Variants in ZFAND1 observed in about 807,000 individuals in gnomAD.
ZFAND1 encodes AN1-type zinc finger protein 1.
In ZFAND1, 40 loss-of-function variants were observed where a neutral mutation model predicts 38.5. That is an observed-to-expected ratio of 1.04 (90% CI 0.81 to 1.35). The LOEUF is 1.35. Among genes scored for constraint, ZFAND1 ranks in the 40% most tolerant of loss-of-function variants. ZFAND1 has a pLI of 0.00. For synonymous variants in ZFAND1, 117 were observed against 103.6 expected (o/e 1.13, Z -0.78); for missense variants, 346 against 316.3 (o/e 1.09, Z -0.71).
At chr8:81,718,325 T>C in intron 1 of ZFAND1, 101 bp from the exon 2 acceptor site, 1 of 883,994 alleles carries the variant, frequency 1.1e-6, no homozygotes, top group Admixed American at 2.7e-5. Context: ...CCATTTTGAC[T>C]AATATCCTAG....
chr8:81,710,838 A>C (rs1207073567), intron 6 of ZFAND1, among the ~76,000 whole-genome samples: 1 of 152,196 alleles, frequency 6.6e-6, no homozygotes, highest in Non-Finnish European at 1.5e-5. Context: ...GAGTTATATA[A>C]AAAAATTAGC....
chr8:81,710,329 C>T (rs148488774), intron 6 of ZFAND1, among the ~76,000 whole-genome samples: 2 of 152,192 alleles, frequency 1.3e-5, no homozygotes, highest in African/African-American at 4.8e-5. Context: ...AAAGCTTATA[C>T]TACCTTTGCA....
chr8:81,710,322 G>T (rs868781434), intron 6 of ZFAND1, among the ~76,000 whole-genome samples: 1 of 152,078 alleles, frequency 6.6e-6, no homozygotes, highest in Non-Finnish European at 1.5e-5. Flanking sequence ...CTTGTTAAAA[G>T]CTTATACTAC....
intron 2 of ZFAND1, 152 bp downstream of exon 2, chr8:81,718,030 A>C (rs1037382351): frequency 1.0e-5 from 5 of 500,974 alleles, no homozygotes; most frequent in Non-Finnish European, 1.7e-5. Flanking sequence ...AGTCATATAT[A>C]TGGAGAAGTA....
At chr8:81,714,252 C>T (rs1808232277) in intron 5 of ZFAND1, 2 of 462,926 alleles carry the variant, frequency 4.3e-6, no homozygotes, top group South Asian at 7.1e-5. Flanking sequence ...TCAAAAAATC[C>T]ACTATAATGT....
At position 81,721,291 on chromosome 8, in the gene ZFAND1, G is replaced by A. The variant is rs1338430792; in HGVS notation, c.-10C>T. The A allele has an allele frequency of 2.6e-6, 4 of 1,547,816 alleles. No homozygotes were observed. The highest frequency in any genetic ancestry group is 3.5e-6 in the Non-Finnish European group (4 of 1,146,924). On this transcript the variant is annotated 5_prime_UTR_variant, in exon 1 of 8. Transcript: ENST00000220669. The stretch of plus-strand genomic sequence containing the variant: ...TGTCCAACTCCGCCATCTCTCCGGC[G>A]CCGTAAGGGGCGGGGCAAAGCCTGA...
intron 6 of ZFAND1, among the ~76,000 whole-genome samples, chr8:81,704,587 G>A (rs966651287): frequency 6.7e-6 from 1 of 150,052 alleles, no homozygotes; most frequent in African/African-American, 2.5e-5. Flanking sequence ...GGAGCAAAAG[G>A]CTTGGCCTTT....
At chr8:81,710,881 G>A (rs1033041917) in intron 6 of ZFAND1, among the ~76,000 whole-genome samples, 1 of 152,110 alleles carries the variant, frequency 6.6e-6, no homozygotes, top group African/African-American at 2.4e-5. Flanking sequence ...ATTTTAACCT[G>A]AGAAAGTGAT....
intron 1 of ZFAND1, 39 bp from the exon 2 acceptor site, chr8:81,718,263 G>C: frequency 6.9e-7 from 1 of 1,445,342 alleles, no homozygotes; most frequent in South Asian, 1.5e-5. Flanking sequence ...GTCAGTATCT[G>C]ATTTTGATTT....
chr8:81,710,589 G>A (rs554291859), intron 6 of ZFAND1, among the ~76,000 whole-genome samples: 1 of 151,860 alleles, frequency 6.6e-6, no homozygotes, highest in East Asian at 1.9e-4. Flanking sequence ...TATCAAACTG[G>A]TTTAAAAAAA....
chr8:81,710,593 A>T (rs1006309587), intron 6 of ZFAND1, among the ~76,000 whole-genome samples: 2 of 151,966 alleles, frequency 1.3e-5, no homozygotes, highest in African/African-American at 4.8e-5. Flanking sequence ...AAACTGGTTT[A>T]AAAAAAACAA....
intron 6 of ZFAND1, among the ~76,000 whole-genome samples, chr8:81,708,346 T>TTGGAAAA (rs148849327): frequency 0.018 from 2,751 of 150,556 alleles, 76 homozygotes; most frequent in African/African-American, 0.062. Context: ...AAGACAGAAC[T>TTGGAAAA]TGGAAAATGT....
In ZFAND1 at chr8:81,702,450, C is replaced by A. The variant is rs1400382193; in HGVS notation, c.*245G>T. The stretch of plus-strand genomic sequence containing the variant: ...AGGAAATACATCTTTGTTGTTGTCA[C>A]TACAGCATAAACTAATGAAAGCTAA... On this transcript the variant is annotated 3_prime_UTR_variant, in exon 8 of 8. Coordinates refer to ENST00000220669, the MANE Select transcript of ZFAND1 (RefSeq NM_024699.3). 8.2e-6 allele frequency: 2 copies of A among 244,252 alleles called. No individual in the cohort carries two copies. Among genetic ancestry groups the A allele is most frequent in the African/African-American group, 4.5e-5 (2 of 44,308 alleles). 15.1% of individuals were successfully genotyped at this position (244,252 alleles called of 1,614,324 possible).
At chr8:81,709,115 G>A (rs558526629) in intron 6 of ZFAND1, among the ~76,000 whole-genome samples, 1 of 152,242 alleles carries the variant, frequency 6.6e-6, no homozygotes, top group African/African-American at 2.4e-5. Context: ...CAAAGTGAAT[G>A]CTCATTAATT....
Position 81,704,962 on chromosome 8 carries a change from T to TA in ZFAND1, c.481-1839dup, listed in dbSNP as rs1023826326. Reference sequence around the variant, plus strand: ...AAGATATAGCCTTATCTTTTTTTTTTAAAAAAGATAAATATGTATGAGGAT... The same window carrying TA: ...AAGATATAGCCTTATCTTTTTTTTTTAAAAAAAGATAAATATGTATGAGGAT... On this transcript the variant is annotated intron_variant, in intron 6 of 7. Coordinates refer to ENST00000220669, the MANE Select transcript of ZFAND1 (RefSeq NM_024699.3). 1.1e-4 allele frequency among the ~76,000 whole-genome samples: 15 copies of TA among 142,254 alleles called. No homozygotes were observed. In the South Asian group the frequency reaches 1.6e-3, roughly 15 times the overall value. The allele number at this position is 142,254 out of a possible 152,430, so 93.3% of individuals were successfully genotyped here. A position where few individuals can be genotyped will look rare whatever the true frequency, so the allele number is the denominator to read the frequency against.
Position 81,702,500 on chromosome 8 carries a change from T to C in ZFAND1, c.*195A>G. The C allele has an allele frequency of 2.7e-6, 1 of 364,400 alleles. No individual in the cohort carries two copies. Among genetic ancestry groups the C allele is most frequent in the Non-Finnish European group, 4.8e-6 (1 of 209,644 alleles). 22.6% of individuals were successfully genotyped at this position (364,400 alleles called of 1,614,324 possible). On this transcript the variant is annotated 3_prime_UTR_variant, in exon 8 of 8. Coordinates refer to ENST00000220669, the MANE Select transcript of ZFAND1 (RefSeq NM_024699.3). ...ATTAAATATAAGAATTTGCTAATAA[T>C]TGAGGATCCGTACACAATTAAACTT...
chr8:81,709,766 AGT>A (rs1000741026), intron 6 of ZFAND1, among the ~76,000 whole-genome samples: 1 of 152,196 alleles, frequency 6.6e-6, no homozygotes, highest in African/African-American at 2.4e-5. Flanking sequence ...TATATTGTTA[AGT>A]GTGTGAAGAA....
At chr8:81,721,168 C>G in intron 1 of ZFAND1, 59 bp downstream of exon 1, 6 of 1,539,352 alleles carry the variant, frequency 3.9e-6, no homozygotes, top group Non-Finnish European at 5.2e-6. Context: ...ATCCGCGGAG[C>G]CAAAGCGGAG....
chr8:81,708,907 T>A, intron 6 of ZFAND1: 1 of 541,240 alleles, frequency 1.8e-6, no homozygotes. Context: ...GCCACAAAAC[T>A]ATACTTAGTA....
Sources: gnomAD v4.1 joint callset for allele counts (sites outside exome capture counted in the v4.1 genomes callset) on GRCh38, gnomAD v4.1.1 for gene constraint, MANE v1.5 for transcripts, NCBI Gene and HGNC (gene_info 2026-07-23, HGNC 2026-07-21) for gene names.